The following PLB1 variants were observed in gnomAD, a reference collection of about 807,000 sequenced individuals.
PLB1 encodes phospholipase B1.
Under a neutral mutation model 227.4 loss-of-function variants are expected in PLB1, and 242 were observed. That is an observed-to-expected ratio of 1.06 (90% CI 0.96 to 1.18). The LOEUF is 1.18. PLB1 is among the 50% of genes most tolerant of loss of function. The probability of loss-of-function intolerance (pLI) is 0.00; values close to 1 mark genes in which losing one functional copy is unlikely to be tolerated. For missense variants in PLB1, 1,858 were observed against 1,816.3 expected (o/e 1.02, Z -0.42); for synonymous variants, 757 against 682.2 (o/e 1.11, Z -1.71).
At chr2:28,573,965 A>G (rs1378595916) in intron 21 of PLB1, among the ~76,000 whole-genome samples, 1 of 152,212 alleles carries the variant, frequency 6.6e-6, no homozygotes, top group Admixed American at 6.5e-5. Flanking sequence ...GGGAAACATC[A>G]GTGAGCACGG....
chr2:28,574,300 T>A (rs1678514784), intron 21 of PLB1, among the ~76,000 whole-genome samples: 1 of 151,454 alleles, frequency 6.6e-6, no homozygotes, highest in Admixed American at 6.6e-5. Context: ...ACCTGAGCAG[T>A]GTACACTGTA....
At chr2:28,531,105 G>T (rs1670950498) in intron 8 of PLB1, among the ~76,000 whole-genome samples, 1 of 152,126 alleles carries the variant, frequency 6.6e-6, no homozygotes, top group Non-Finnish European at 1.5e-5. Flanking sequence ...GGTTACACAA[G>T]AAATGCATGT....
At chr2:28,529,938 A>G (rs1172421893) in intron 8 of PLB1, among the ~76,000 whole-genome samples, 159 bp downstream of exon 8, 4 of 152,206 alleles carry the variant, frequency 2.6e-5, no homozygotes, top group Admixed American at 1.3e-4. Context: ...TCTGGCGGTC[A>G]TTAGAGGAAA....
intron 1 of PLB1, among the ~76,000 whole-genome samples, chr2:28,512,700 T>TG (rs1184098551): frequency 1.8e-4 from 27 of 151,978 alleles, no homozygotes; most frequent in Non-Finnish European, 3.1e-4. Context: ...TTTTTTTTTT[T>TG]TGTTGGCCTG....
chr2:28,561,981 A>G (rs1000935785), intron 17 of PLB1, among the ~76,000 whole-genome samples: 3 of 152,252 alleles, frequency 2.0e-5, no homozygotes, highest in Admixed American at 2.0e-4. Context: ...AAACATAAAA[A>G]GTCACATATT....
In PLB1 at chr2:28,602,079, T is replaced by A. The variant is rs563244213; in HGVS notation, c.2673+115T>A. The A allele has an allele frequency of 6.3e-5, 63 of 1,000,344 alleles. 1 individual carries two copies. In the Admixed American group the frequency reaches 8.5e-4, roughly 14 times the overall value. The allele number at this position is 1,000,344 out of a possible 1,614,324, so 62.0% of individuals were successfully genotyped here. A position where few individuals can be genotyped will look rare whatever the true frequency, so the allele number is the denominator to read the frequency against. ...TCTCTCAAGGAGACAGCCAGGGGCA[T>A]GGACTCCTTCCCTTTTCAGAGGTTG... On this transcript the variant is annotated intron_variant, in intron 38 of 57. Coordinates refer to ENST00000327757, the MANE Select transcript of PLB1 (RefSeq NM_153021.5).
intron 32 of PLB1, 108 bp downstream of exon 32, chr2:28,592,827 C>A: frequency 1.0e-6 from 1 of 971,106 alleles, no homozygotes; most frequent in Non-Finnish European, 1.5e-6. Flanking sequence ...TATCTTGCCC[C>A]TCTACCTGGC....
At chr2:28,533,625 A>G (rs1411783057) in intron 9 of PLB1, among the ~76,000 whole-genome samples, 1 of 152,252 alleles carries the variant, frequency 6.6e-6, no homozygotes, top group African/African-American at 2.4e-5. Context: ...AGTTATATTC[A>G]TGTATAAATT....
intron 33 of PLB1, among the ~76,000 whole-genome samples, chr2:28,597,259 G>A (rs544105459): frequency 5.4e-4 from 67 of 123,598 alleles, no homozygotes; most frequent in African/African-American, 2.1e-3. Flanking sequence ...GCAAGACTCC[G>A]TCTCGAAAAA....
chr2:28,597,487 A>T (rs1045789294), intron 33 of PLB1, among the ~76,000 whole-genome samples: 11 of 152,174 alleles, frequency 7.2e-5, no homozygotes, highest in Admixed American at 1.3e-4. Flanking sequence ...TGAAAATTAG[A>T]TGGGGCATTG....
At chr2:28,630,136 C>G (rs1417578501) in intron 53 of PLB1, among the ~76,000 whole-genome samples, 1 of 152,162 alleles carries the variant, frequency 6.6e-6, no homozygotes, top group Non-Finnish European at 1.5e-5. Context: ...GGGTCCTAAG[C>G]AGTTGCAGGA....
chr2:28,599,731 C>T (rs765460304), intron 35 of PLB1, among the ~76,000 whole-genome samples: 16 of 152,154 alleles, frequency 1.1e-4, no homozygotes, highest in Non-Finnish European at 2.1e-4. Context: ...ATTCTTGTGC[C>T]TCAGCCTCCG....
intron 15 of PLB1, among the ~76,000 whole-genome samples, chr2:28,549,593 T>C (rs1673897493): frequency 6.6e-6 from 1 of 152,068 alleles, no homozygotes. Context: ...TTTTTTTGTA[T>C]TTTTAGTCTT....
At chr2:28,614,780 C>T (rs1392319489) in intron 44 of PLB1, among the ~76,000 whole-genome samples, 1 of 152,126 alleles carries the variant, frequency 6.6e-6, no homozygotes, top group Non-Finnish European at 1.5e-5. Context: ...GGCTAGAAGG[C>T]ATGCAGAGAA....
Position 28,606,448 on chromosome 2 carries a change from A to C in PLB1, c.3058-48A>C, listed in dbSNP as rs370084713. On this transcript the variant is annotated intron_variant, in intron 42 of 57. Transcript: ENST00000327757. ...ATTCTGCCAGGGAATGTTCACTTCC[A>C]TGGAAACAAACTACTACACCCGTGT... 2.9e-5 allele frequency: 45 copies of C among 1,561,522 alleles called. No homozygotes were observed. In the African/African-American group the frequency reaches 5.8e-4, roughly 20 times the overall value.
chr2:28,582,923 C>CTGT (rs1680291032), intron 25 of PLB1, among the ~76,000 whole-genome samples: 1 of 152,166 alleles, frequency 6.6e-6, no homozygotes, highest in Non-Finnish European at 1.5e-5. Context: ...AGGGGTGCCT[C>CTGT]TGGTTGGTAT....
At chr2:28,547,781 C>T (rs190716663) in intron 14 of PLB1, among the ~76,000 whole-genome samples, 1 of 152,258 alleles carries the variant, frequency 6.6e-6, no homozygotes, top group Non-Finnish European at 1.5e-5. Flanking sequence ...TGCAATCCCT[C>T]CAAGCTATTG....
intron 4 of PLB1, 83 bp downstream of exon 4, chr2:28,519,846 A>G: frequency 9.3e-7 from 1 of 1,070,628 alleles, no homozygotes; most frequent in South Asian, 1.4e-5. Context: ...ACTGGGCAGA[A>G]CGTTTCATTT....
At chr2:28,504,014 A>G (rs1306413371) in intron 1 of PLB1, among the ~76,000 whole-genome samples, 2 of 152,240 alleles carry the variant, frequency 1.3e-5, no homozygotes, top group South Asian at 2.1e-4. Flanking sequence ...CATTTATGTA[A>G]ATTTATCTTG....
Sources: allele counts gnomAD v4.1 joint callset (sites outside exome capture counted in the v4.1 genomes callset), GRCh38; gene constraint gnomAD v4.1.1; transcripts MANE v1.5; gene names NCBI Gene and HGNC (gene_info 2026-07-23, HGNC 2026-07-21).